Variants in AK7 observed in about 807,000 individuals in gnomAD.
AK7 encodes adenylate kinase 7, also known as ATP-AMP transphosphorylase 7.
A neutral mutation model predicts 96.6 loss-of-function variants in AK7; 78 were observed. That is an observed-to-expected ratio of 0.81 (90% CI 0.67 to 0.97). The LOEUF (loss-of-function observed/expected upper bound fraction) is 0.97, where lower values mean the gene tolerates loss of function less well. Ranked by LOEUF, AK7 falls within the 50% of genes least tolerant of loss-of-function variation. The pLI is 0.00. For missense variants in AK7, 855 were observed against 887.9 expected, an observed-to-expected ratio of 0.96 and a Z score of 0.47; for synonymous variants, 302 against 317.2, an observed-to-expected ratio of 0.95 and a Z score of 0.51.
At chr14:96,424,222 G>A in intron 5 of AK7, 1 of 473,138 alleles carries the variant, frequency 2.1e-6, no homozygotes, top group Non-Finnish European at 3.8e-6. Context: ...CGCGTGGCGG[G>A]GCCGAGCGGA....
chr14:96,434,089 C>T (rs1054346640), intron 5 of AK7, among the ~76,000 whole-genome samples: 3 of 152,160 alleles, frequency 2.0e-5, no homozygotes, highest in Admixed American at 6.5e-5. Context: ...TGAGGTCATG[C>T]TTTCCCGGTT....
intron 12 of AK7, among the ~76,000 whole-genome samples, chr14:96,463,131 C>T (rs1349544039): frequency 6.9e-6 from 1 of 144,828 alleles, no homozygotes; most frequent in Non-Finnish European, 1.5e-5. Context: ...GGCAAGACTC[C>T]GCCTCAAAAA....
chr14:96,398,312 T>C (rs755660065), intron 2 of AK7, 49 bp downstream of exon 2: 2 of 1,592,406 alleles, frequency 1.3e-6, no homozygotes, highest in East Asian at 4.5e-5. Flanking sequence ...AAGAGTCACC[T>C]TCCGCTCCAA....
At chr14:96,422,280 CAGAA>C (rs1219384690) in intron 5 of AK7, among the ~76,000 whole-genome samples, 4 of 152,164 alleles carry the variant, frequency 2.6e-5, no homozygotes, top group African/African-American at 9.7e-5. Context: ...AGCCTTAAAA[CAGAA>C]ACACAGTCTT....
rs1050900272 is a variant in AK7, at chr14:96,407,042, G to A, written c.404-1805G>A. ...TTAGAATTCTCCTACCTTGCCTTTC[G>A]CAGATACTATGGAAGGAAGGCAAGA... On this transcript the variant is annotated intron_variant, in intron 3 of 17. Transcript: ENST00000267584. Among the ~76,000 whole-genome samples the A allele has an allele frequency of 9.9e-5, 15 of 151,914 alleles. No individual in the cohort carries two copies. The East Asian group carries it at 1.7e-3, about 18-fold the overall frequency.
intron 5 of AK7, among the ~76,000 whole-genome samples, chr14:96,425,754 G>A (rs1438955685): frequency 6.6e-6 from 1 of 152,106 alleles, no homozygotes. Context: ...AAAGTGCTGG[G>A]GTTACAGGTG....
intron 7 of AK7, among the ~76,000 whole-genome samples, chr14:96,445,625 C>T (rs1893193261): frequency 6.6e-6 from 1 of 151,662 alleles, no homozygotes; most frequent in South Asian, 2.1e-4. Context: ...ACACCACTGC[C>T]TGCCAGCCTG....
intron 12 of AK7, among the ~76,000 whole-genome samples, chr14:96,462,372 G>C (rs1384051914): frequency 1.3e-5 from 2 of 152,162 alleles, no homozygotes; most frequent in East Asian, 3.9e-4. Context: ...CCTTGCCTAT[G>C]TTTGAACAAA....
intron 16 of AK7, among the ~76,000 whole-genome samples, chr14:96,484,055 C>A (rs1250397156): frequency 6.6e-6 from 1 of 151,996 alleles, no homozygotes; most frequent in Non-Finnish European, 1.5e-5. Flanking sequence ...CATAGCAAGA[C>A]CTTGACTCTA....
At chr14:96,438,640 C>A (rs1244429171) in intron 6 of AK7, among the ~76,000 whole-genome samples, 1 of 152,128 alleles carries the variant, frequency 6.6e-6, no homozygotes, top group Non-Finnish European at 1.5e-5. Context: ...CCAAGCCCAG[C>A]CTGGTAGCCC....
chr14:96,453,377 G>A (rs1382019955), intron 10 of AK7, among the ~76,000 whole-genome samples: 1 of 152,162 alleles, frequency 6.6e-6, no homozygotes, highest in African/African-American at 2.4e-5. Flanking sequence ...ATGATAGAAG[G>A]AATAGTATAT....
intron 17 of AK7, among the ~76,000 whole-genome samples, chr14:96,487,432 CTT>C (rs1164556067): frequency 4.2e-5 from 5 of 119,510 alleles, no homozygotes; most frequent in Admixed American, 1.7e-4. Flanking sequence ...CTGCCTGAAT[CTT>C]TTTTTTTTTT....
At chr14:96,442,687 C>A (rs761625542) in intron 6 of AK7, 43 bp from the exon 7 acceptor site, 3 of 1,456,618 alleles carry the variant, frequency 2.1e-6, no homozygotes, top group African/African-American at 1.4e-5. Flanking sequence ...AATAGCCATC[C>A]ACATATAACT....
At chr14:96,395,328 T>C (rs1203126238) in intron 1 of AK7, among the ~76,000 whole-genome samples, 1 of 152,128 alleles carries the variant, frequency 6.6e-6, no homozygotes, top group Non-Finnish European at 1.5e-5. Flanking sequence ...ACAAATATAT[T>C]TACTATTCAT....
chr14:96,476,380 C>A (rs915376397), intron 14 of AK7, among the ~76,000 whole-genome samples: 9 of 151,916 alleles, frequency 5.9e-5, no homozygotes, highest in African/African-American at 2.2e-4. Flanking sequence ...TGGTGCACGC[C>A]TATAATCCCA....
chr14:96,438,825 G>A lies in AK7; in HGVS notation c.690+910G>A, dbSNP rs138963691. On this transcript the variant is annotated intron_variant, in intron 6 of 17. Transcript: ENST00000267584. ...CAAGGAAACCAGTGAGCAGGGTAGTGCCTAAGACCTGGGTGGGCATGGTGG... is the reference window on the plus strand; with the variant it reads ...CAAGGAAACCAGTGAGCAGGGTAGTACCTAAGACCTGGGTGGGCATGGTGG... 9.8e-5 allele frequency among the ~76,000 whole-genome samples: 15 copies of A among 152,296 alleles called. No individual in the cohort carries two copies. The East Asian group carries it at 2.7e-3, about 27-fold the overall frequency.
Position 96,420,912 on chromosome 14 carries a change from G to A in AK7, c.589G>A (p.Val197Ile). 3 of 1,611,662 alleles carry A rather than the reference G, an allele frequency of 1.9e-6. No homozygotes were observed. Among genetic ancestry groups the A allele is most frequent in the Non-Finnish European group, 2.5e-6 (3 of 1,178,032 alleles). Residue 197 changes from valine (V) to isoleucine (I), a missense_variant, in exon 5 of 18, where the codon GTT becomes ATT. By Grantham distance (29) the Val-to-Ile change is conservative. Transcript: ENST00000267584. ...FLDHINAEKMVLKFGKKARKF... is the reference protein window; with the variant it reads ...FLDHINAEKMILKFGKKARKF... ...GGACCACATAAATGCTGAAAAAATG[G>A]TTCTCAAATTTGGAAAAAAGGTAAG...
At chr14:96,486,523 A>T (rs930638681) in intron 16 of AK7, among the ~76,000 whole-genome samples, 2 of 152,062 alleles carry the variant, frequency 1.3e-5, no homozygotes, top group Non-Finnish European at 2.9e-5. Context: ...GAGAAGGGAG[A>T]TTTCTCAAAA....
chr14:96,404,945 T>C (rs1211762341), intron 3 of AK7, 80 bp downstream of exon 3: 1 of 948,396 alleles, frequency 1.1e-6, no homozygotes, highest in Non-Finnish European at 1.6e-6. Flanking sequence ...CTAGGAACAC[T>C]AGACAAAGTA....
Sources: allele counts gnomAD v4.1 joint callset (sites outside exome capture counted in the v4.1 genomes callset), GRCh38; gene constraint gnomAD v4.1.1; transcripts MANE v1.5; gene names NCBI Gene and HGNC (gene_info 2026-07-23, HGNC 2026-07-21).